GPHN: variants seen among roughly 807,000 people sequenced by gnomAD.
GPHN encodes the protein gephyrin.
GPHN carries 17 observed loss-of-function variants against 95.5 expected under a neutral mutation model. The observed-to-expected ratio is 0.18, with a 90% CI of 0.12 to 0.27. The LOEUF is 0.27. Among genes scored for constraint, GPHN ranks in the 10% least tolerant of loss-of-function variants. GPHN has a pLI of 1.00. For missense variants in GPHN, 660 were observed against 978.1 expected, an observed-to-expected ratio of 0.67 and a Z score of 4.34; for synonymous variants, 320 against 322.5, an observed-to-expected ratio of 0.99 and a Z score of 0.08.
the GPHN span, chr14:67,352,823 G>GA: frequency 1.3e-6 from 1 of 758,924 alleles, no homozygotes; most frequent in South Asian, 2.0e-5. Context: ...ACTTTTGAAA[G>GA]AAAAAAATTA....
the GPHN span, among the ~76,000 whole-genome samples, chr14:67,508,760 A>AAAAAAAAAAAAAAAAAAC: frequency 1.3e-4 from 20 of 149,652 alleles, no homozygotes; most frequent in East Asian, 3.7e-3. Context: ...TCTCAAAAAA[A>AAAAAAAAAAAAAAAAAAC]AAAAAAAAAA....
At chr14:67,199,553 C>A in the GPHN span, 1 of 1,602,374 alleles carries the variant, frequency 6.2e-7, no homozygotes, top group African/African-American at 1.3e-5. Context: ...CATGAATGGG[C>A]AGTACCTCTG....
chr14:66,552,472 G>A (rs1459379704), intron 1 of GPHN, among the ~76,000 whole-genome samples: 1 of 152,110 alleles, frequency 6.6e-6, no homozygotes, highest in Non-Finnish European at 1.5e-5. Flanking sequence ...TATGAGAAAG[G>A]AAACAGTTTT....
chr14:66,702,128 G>T (rs555536416), intron 2 of GPHN, among the ~76,000 whole-genome samples: 1 of 152,300 alleles, frequency 6.6e-6, no homozygotes, highest in African/African-American at 2.4e-5. Context: ...GAGGCTCAGG[G>T]ACAGAACCCA....
chr14:67,690,562 C>A, the GPHN span: 8 of 686,824 alleles, frequency 1.2e-5, no homozygotes, highest in African/African-American at 1.8e-5. Context: ...AACTAGAAAA[C>A]AAGTTTAATG....
the GPHN span, among the ~76,000 whole-genome samples, chr14:67,316,655 T>G: frequency 6.6e-6 from 1 of 152,176 alleles, no homozygotes; most frequent in African/African-American, 2.4e-5. Context: ...AGAGTTAATA[T>G]TTTAAAAATT....
At chr14:67,287,230 CA>C in the GPHN span, among the ~76,000 whole-genome samples, 72 of 147,388 alleles carry the variant, frequency 4.9e-4, 1 homozygote, top group Non-Finnish European at 9.0e-5. Context: ...AAAACAAAAA[CA>C]AAAAAAAAGA....
intron 3 of GPHN, among the ~76,000 whole-genome samples, chr14:66,793,777 A>G (rs1177990719): frequency 6.6e-6 from 1 of 152,194 alleles, no homozygotes; most frequent in African/African-American, 2.4e-5. Context: ...GATTAAGAAT[A>G]TAGCTCCAAA....
the GPHN span, among the ~76,000 whole-genome samples, chr14:67,617,900 G>T: frequency 4.9e-3 from 744 of 151,986 alleles, 35 homozygotes; most frequent in East Asian, 0.083. Context: ...GTATTTTTAG[G>T]AGAGACAGGA....
At chr14:67,587,371 CT>C in the GPHN span, 2 of 1,000,194 alleles carry the variant, frequency 2.0e-6, no homozygotes, top group South Asian at 2.7e-5. Flanking sequence ...ATTTTAGTCT[CT>C]GTGAAGCCTT....
the GPHN span, among the ~76,000 whole-genome samples, chr14:67,373,528 A>G: frequency 6.6e-6 from 1 of 152,220 alleles, no homozygotes; most frequent in African/African-American, 2.4e-5. Flanking sequence ...GAAAAACACC[A>G]CAGACATGCT....
At chr14:67,076,811 T>C (rs923803467) in intron 11 of GPHN, among the ~76,000 whole-genome samples, 2 of 152,144 alleles carry the variant, frequency 1.3e-5, no homozygotes, top group Non-Finnish European at 1.5e-5. Flanking sequence ...TAGTATGTTT[T>C]CCTTTCAGCA....
At chr14:67,552,590 AC>A in the GPHN span, among the ~76,000 whole-genome samples, 2 of 151,854 alleles carry the variant, frequency 1.3e-5, no homozygotes, top group East Asian at 3.9e-4. Context: ...ACACGGTGAA[AC>A]CCCGTCTCTT....
At chr14:67,351,911 C>CAAAAAAAAAAAAAAAAAAAA in the GPHN span, among the ~76,000 whole-genome samples, 4 of 128,100 alleles carry the variant, frequency 3.1e-5, no homozygotes, top group South Asian at 2.7e-4. Context: ...GAACCTCTAC[C>CAAAAAAAAAAAAAAAAAAAA]AAAAAAAAAA....
At chr14:67,053,928 A>G (rs1188008120) in intron 10 of GPHN, among the ~76,000 whole-genome samples, 1 of 152,230 alleles carries the variant, frequency 6.6e-6, no homozygotes, top group Admixed American at 6.5e-5. Context: ...CATGTTAAAA[A>G]CTTTCAATAA....
At chr14:67,425,915 A>T in the GPHN span, among the ~76,000 whole-genome samples, 26 of 148,014 alleles carry the variant, frequency 1.8e-4, no homozygotes, top group South Asian at 1.7e-3. Flanking sequence ...CAAAAAAAAA[A>T]TTTTTTTTTT....
At chr14:67,725,570 A>G in the GPHN span, among the ~76,000 whole-genome samples, 1 of 152,216 alleles carries the variant, frequency 6.6e-6, no homozygotes, top group African/African-American at 2.4e-5. Context: ...TTGTGTGGCC[A>G]TAGGCATGAG....
intron 1 of GPHN, among the ~76,000 whole-genome samples, chr14:66,632,667 A>G (rs2153343264): frequency 6.6e-6 from 1 of 151,560 alleles, no homozygotes; most frequent in African/African-American, 2.4e-5. Context: ...TAATTTTTGT[A>G]TTTTTAGTAG....
At chr14:67,575,779 A>T in the GPHN span, 1 of 1,490,308 alleles carries the variant, frequency 6.7e-7, no homozygotes, top group Non-Finnish European at 9.3e-7. Flanking sequence ...AGACTCCCTC[A>T]TCCCCCACTG....
Sources: gnomAD v4.1 joint callset for allele counts (sites outside exome capture counted in the v4.1 genomes callset) on GRCh38, gnomAD v4.1.1 for gene constraint, MANE v1.5 for transcripts, NCBI Gene and HGNC (gene_info 2026-07-23, HGNC 2026-07-21) for gene names.